Variants in TUBB1 observed in about 807,000 individuals in gnomAD.
TUBB1 encodes tubulin beta 1 class VI.
TUBB1 carries 28 observed loss-of-function variants against 22.6 expected under a neutral mutation model. The observed-to-expected ratio is 1.24, with a 90% CI of 0.92 to 1.70. The LOEUF is 1.70. Ranked by LOEUF, TUBB1 falls within the 40% of genes most tolerant of loss-of-function variation. The pLI is 0.00. For synonymous variants in TUBB1, 226 were observed against 238.0 expected, an observed-to-expected ratio of 0.95 and a Z score of 0.46; for missense variants, 577 against 605.5, an observed-to-expected ratio of 0.95 and a Z score of 0.49.
At chr20:59,023,027 G>T in intron 2 of TUBB1, 74 bp downstream of exon 2, 1 of 1,342,976 alleles carries the variant, frequency 7.4e-7, no homozygotes, top group South Asian at 1.2e-5. Flanking sequence ...AGAGGCCCAG[G>T]AGATGGAAAT....
intron 2 of TUBB1, 110 bp from the exon 3 acceptor site, chr20:59,023,380 T>G: frequency 9.9e-7 from 1 of 1,012,126 alleles, no homozygotes; most frequent in Admixed American, 1.8e-5. Context: ...AGGGCCCCTT[T>G]CTAGAATATC....
Position 59,023,894 on chromosome 20 carries a change from G to A in TUBB1, c.467G>A (p.Arg156Lys), listed in dbSNP as rs2091979941. The A allele has an allele frequency of 6.2e-7, 1 of 1,614,192 alleles. No individual in the cohort carries two copies. Among genetic ancestry groups the A allele is most frequent in the East Asian group, 2.2e-5 (1 of 44,882 alleles). ...GMGTLLMNKI[R>K]EEYPDRIMNS... Reference sequence around the variant, plus strand: ...GGCACTCTGCTCATGAACAAGATTAGAGAGGAGTACCCGGACCGGATCATG... The same window carrying A: ...GGCACTCTGCTCATGAACAAGATTAAAGAGGAGTACCCGGACCGGATCATG... Residue 156 changes from arginine (R) to lysine (K), a missense_variant, in exon 4 of 4, where the codon AGA becomes AAA. Arg to Lys is a conservative substitution (Grantham distance 26). Coordinates refer to ENST00000217133, the MANE Select transcript of TUBB1 (RefSeq NM_030773.4).
chr20:59,018,004 T>C (rs1000751472), upstream of TUBB1, among the ~76,000 whole-genome samples: 2 of 152,230 alleles, frequency 1.3e-5, no homozygotes, highest in Non-Finnish European at 2.9e-5. Context: ...GCTCACCGGA[T>C]GGTGGTTGTC....
upstream of TUBB1, among the ~76,000 whole-genome samples, chr20:59,016,663 A>G (rs1298904311): frequency 1.3e-5 from 2 of 152,338 alleles, no homozygotes; most frequent in East Asian, 3.9e-4. Context: ...AAGATGGGCT[A>G]ATGTCTATGG....
In TUBB1 at chr20:59,023,619, T is replaced by G; in HGVS notation, c.277+19T>G. On this transcript the variant is annotated intron_variant, in intron 3 of 3. Transcript: ENST00000217133. ...GTCCATGGTATGTTTTTCCAGAAGG[T>G]TCCACCAGGAGGAGGGGGGGATGCT... 4 of 1,613,850 alleles carry G rather than the reference T, an allele frequency of 2.5e-6. No individual in the cohort carries two copies. Among genetic ancestry groups the G allele is most frequent in the Non-Finnish European group, 2.5e-6 (3 of 1,179,758 alleles).
At chr20:59,016,521 TGTCTTTGATCTTCGGAGAA>T (rs1433444307), upstream of TUBB1, among the ~76,000 whole-genome samples, 3 of 152,168 alleles carry the variant, frequency 2.0e-5, no homozygotes, top group Non-Finnish European at 2.9e-5. Context: ...ATCATGGAGC[TGTCTTTGATCTTCGGAGAA>T]GTCTGGTAGG....
At chr20:59,023,263 T>C (rs910704247) in intron 2 of TUBB1, among the ~76,000 whole-genome samples, 2 of 146,898 alleles carry the variant, frequency 1.4e-5, no homozygotes, top group African/African-American at 5.0e-5. Context: ...TCACTGGCAA[T>C]ATCACAGAGC....
Position 59,023,532 on chromosome 20 carries a change from C to A in TUBB1, c.209C>A (p.Pro70His). The A allele has an allele frequency of 6.2e-7, 1 of 1,614,188 alleles. No individual in the cohort carries two copies. Among genetic ancestry groups the A allele is most frequent in the Non-Finnish European group, 8.5e-7 (1 of 1,180,034 alleles). Reference protein sequence around the residue: ...VPRAVLVDLEPGTMDSIRSSK... With the variant: ...VPRAVLVDLEHGTMDSIRSSK... ...CGAGCAGTCTTGGTGGACCTAGAAC[C>A]TGGGACGATGGACAGCATTCGATCT... Residue 70 changes from proline to histidine, a missense_variant, in exon 3 of 4, where the codon CCT becomes CAT. Transcript: ENST00000217133.
chr20:59,017,225 C>T (rs1189832108), upstream of TUBB1, among the ~76,000 whole-genome samples: 1 of 152,202 alleles, frequency 6.6e-6, no homozygotes, highest in Non-Finnish European at 1.5e-5. Flanking sequence ...TTCCAGTGTA[C>T]ACAATCCTTA....
rs781334561 is a variant in TUBB1, at chr20:59,024,449, T to C, written c.1022T>C (p.Phe341Ser). 53 of 1,614,062 alleles carry C rather than the reference T, an allele frequency of 3.3e-5. No homozygotes were observed. The highest frequency in any genetic ancestry group is 8.3e-5 in the Admixed American group (5 of 60,002). The stretch of plus-strand genomic sequence containing the variant: ...GTGCAGACCAGGAACAGCAGCTGCT[T>C]TGTGGAGTGGATTCCCAACAACGTC... ...LSVQTRNSSCFVEWIPNNVKV... is the reference protein window; with the variant it reads ...LSVQTRNSSCSVEWIPNNVKV... Residue 341 changes from phenylalanine to serine, a missense_variant, in exon 4 of 4, where the codon TTT becomes TCT. Coordinates refer to ENST00000217133, the MANE Select transcript of TUBB1 (RefSeq NM_030773.4). This position sits in a 1 kb window ranked among gnomAD's most constrained non-coding sequence, Gnocchi z 4.9.
rs1359237763 is a variant in TUBB1, at chr20:59,024,676, G to T, written c.1249G>T (p.Asp417Tyr). 1.9e-6 allele frequency: 3 copies of T among 1,614,036 alleles called. No homozygotes were observed. Among genetic ancestry groups the T allele is most frequent in the African/African-American group, 2.7e-5 (2 of 74,888 alleles). The change falls in exon 4 of 4, where the codon GAT becomes TAT. Residue 417 changes from aspartate (D) to tyrosine (Y), a missense_variant. By Grantham distance (160) the Asp-to-Tyr change is radical. Coordinates refer to ENST00000217133, the MANE Select transcript of TUBB1 (RefSeq NM_030773.4). This position sits in a 1 kb window ranked among gnomAD's most constrained non-coding sequence, Gnocchi z 4.9. ...EFGEAENNIH[D>Y]LVSEYQQFQD... is the part of the protein sequence containing the mutation. ...TGGGGAAGCTGAAAATAACATCCAT[G>T]ATTTGGTATCCGAGTACCAACAATT...
chr20:59,021,996 A>AAAACAAACAAAC (rs1171232090), intron 1 of TUBB1, among the ~76,000 whole-genome samples: 1 of 149,876 alleles, frequency 6.7e-6, no homozygotes, highest in Non-Finnish European at 1.5e-5. Flanking sequence ...ACTCTGTCTC[A>AAAACAAACAAAC]AAATAAATAA....
chr20:59,022,988 G>A (rs376258126), intron 2 of TUBB1, 35 bp downstream of exon 2: 8 of 1,555,406 alleles, frequency 5.1e-6, no homozygotes, highest in Non-Finnish European at 6.2e-6. Flanking sequence ...CAGTGGTCCC[G>A]CAACTGGGAA....
Position 59,019,515 on chromosome 20 carries a change from G to A in TUBB1, c.-8G>A, listed in dbSNP as rs761286881. ...CGTGAAGATCTCAGACTTGGGCTCAGAGCAAGGATGCGTGAAATTGTCCAT... is the reference window on the plus strand; with the variant it reads ...CGTGAAGATCTCAGACTTGGGCTCAAAGCAAGGATGCGTGAAATTGTCCAT... On this transcript the variant is annotated 5_prime_UTR_variant, in exon 1 of 4. Coordinates refer to ENST00000217133, the MANE Select transcript of TUBB1 (RefSeq NM_030773.4). 2 of 1,613,980 alleles carry A rather than the reference G, an allele frequency of 1.2e-6. No homozygotes were observed. Among genetic ancestry groups the A allele is most frequent in the Non-Finnish European group, 1.7e-6 (2 of 1,179,964 alleles).
Position 59,024,179 on chromosome 20 carries a change from G to C in TUBB1, c.752G>C (p.Arg251Pro), listed in dbSNP as rs770226644. Residue 251 changes from arginine to proline, a missense_variant, in exon 4 of 4, where the codon CGC (arginine) becomes CCC (proline). Transcript: ENST00000217133. The surrounding 1 kb of genome is among the most constrained non-coding windows in gnomAD (Gnocchi z 4.9). ...CCGGGTCAGCTCAACGCAGACCTGCGCAAGCTGGCGGTGAACATGGTCCCC... is the reference window on the plus strand; with the variant it reads ...CCGGGTCAGCTCAACGCAGACCTGCCCAAGCTGGCGGTGAACATGGTCCCC... Reference protein sequence around the residue: ...RFPGQLNADLRKLAVNMVPFP... With the variant: ...RFPGQLNADLPKLAVNMVPFP... 1 of 1,614,166 alleles carries C rather than the reference G, an allele frequency of 6.2e-7. No individual in the cohort carries two copies. The highest frequency in any genetic ancestry group is 1.1e-5 in the South Asian group (1 of 91,084).
intron 1 of TUBB1, among the ~76,000 whole-genome samples, chr20:59,020,459 T>C (rs1004268067): frequency 6.6e-6 from 1 of 152,220 alleles, no homozygotes; most frequent in African/African-American, 2.4e-5. Flanking sequence ...GCTGGGATTA[T>C]AGGCGTGAGC....
At chr20:59,018,575 T>C (rs1246727673), upstream of TUBB1, among the ~76,000 whole-genome samples, 2 of 152,106 alleles carry the variant, frequency 1.3e-5, no homozygotes, top group Non-Finnish European at 2.9e-5. Context: ...ACCTGACTAA[T>C]ATTTGTATTT....
At chr20:59,019,068 C>A (rs1243469847), upstream of TUBB1, among the ~76,000 whole-genome samples, 2 of 152,106 alleles carry the variant, frequency 1.3e-5, no homozygotes, top group Non-Finnish European at 2.9e-5. Flanking sequence ...GGAAAAGGGG[C>A]CGGGAAGATG....
chr20:59,018,886 A>G (rs1054973521), upstream of TUBB1, among the ~76,000 whole-genome samples: 2 of 152,246 alleles, frequency 1.3e-5, no homozygotes, highest in African/African-American at 4.8e-5. Flanking sequence ...CAGGGGTCCA[A>G]GAGACCTGCA....
Sources: gnomAD v4.1 joint callset for allele counts (sites outside exome capture counted in the v4.1 genomes callset) on GRCh38, gnomAD v4.1.1 for gene constraint, Gnocchi (gnomAD v3.1) non-coding constraint, MANE v1.5 for transcripts, NCBI Gene and HGNC (gene_info 2026-07-23, HGNC 2026-07-21) for gene names.